CHCHD3: variants seen among roughly 807,000 people sequenced by gnomAD.
CHCHD3 encodes MICOS complex subunit MIC19.
CHCHD3 carries 20 observed loss-of-function variants against 38.2 expected under a neutral mutation model. That is an observed-to-expected ratio of 0.52 (90% CI 0.37 to 0.76). The LOEUF (loss-of-function observed/expected upper bound fraction) is 0.76, where lower values mean the gene tolerates loss of function less well. CHCHD3 is among the 30% of genes least tolerant of loss of function. The probability of loss-of-function intolerance (pLI) is 0.00; values close to 1 mark genes in which losing one functional copy is unlikely to be tolerated. For synonymous variants in CHCHD3, 82 were observed against 100.0 expected (o/e 0.82, Z 1.07); for missense variants, 245 against 279.2 (o/e 0.88, Z 0.87).
At chr7:132,908,762 A>C (rs1289981532) in intron 4 of CHCHD3, among the ~76,000 whole-genome samples, 1 of 152,246 alleles carries the variant, frequency 6.6e-6, no homozygotes, top group Non-Finnish European at 1.5e-5. Flanking sequence ...GTCTGGGGAA[A>C]GCTGCTTCTA....
intron 2 of CHCHD3, among the ~76,000 whole-genome samples, chr7:133,057,698 C>T (rs112566000): frequency 6.6e-6 from 1 of 151,866 alleles, no homozygotes; most frequent in Non-Finnish European, 1.5e-5. Flanking sequence ...AAGATGAACA[C>T]GGGTTATGAA....
At chr7:132,888,715 T>C (rs1809281070) in intron 4 of CHCHD3, among the ~76,000 whole-genome samples, 2 of 152,022 alleles carry the variant, frequency 1.3e-5, no homozygotes, top group Admixed American at 6.6e-5. Flanking sequence ...ATAAAGATTT[T>C]GATCCAGCCA....
chr7:132,796,633 C>A (rs1341565726), intron 6 of CHCHD3, 56 bp from the exon 7 acceptor site: 7 of 1,538,276 alleles, frequency 4.6e-6, no homozygotes, highest in South Asian at 1.2e-5. Context: ...GAATAAAAAT[C>A]AAGGTTAAAG....
chr7:132,940,262 A>G (rs1195908002), intron 4 of CHCHD3, among the ~76,000 whole-genome samples: 2 of 152,148 alleles, frequency 1.3e-5, no homozygotes, highest in Non-Finnish European at 2.9e-5. Flanking sequence ...ACCATTTAAC[A>G]CCTCTCAGCA....
chr7:132,976,902 T>C (rs1214247808), intron 3 of CHCHD3, among the ~76,000 whole-genome samples: 2 of 152,040 alleles, frequency 1.3e-5, no homozygotes, highest in African/African-American at 4.8e-5. Flanking sequence ...CCTTTTCCCC[T>C]AAAAATCAAA....
intron 5 of CHCHD3, 56 bp from the exon 6 acceptor site, chr7:132,838,525 G>T: frequency 1.5e-6 from 2 of 1,322,394 alleles, no homozygotes; most frequent in Non-Finnish European, 2.2e-6. Flanking sequence ...AAAATGTGTG[G>T]AAGATTTACA....
chr7:132,924,313 A>G (rs1025407703), intron 4 of CHCHD3, among the ~76,000 whole-genome samples: 15 of 152,354 alleles, frequency 9.8e-5, no homozygotes, highest in African/African-American at 3.4e-4. Flanking sequence ...TAGTCTCACA[A>G]TAATAGTATG....
intron 3 of CHCHD3, among the ~76,000 whole-genome samples, chr7:133,002,120 A>T (rs1483114694): frequency 6.6e-6 from 1 of 152,076 alleles, no homozygotes; most frequent in African/African-American, 2.4e-5. Flanking sequence ...AAGTGGTCTG[A>T]CTCCTAGGAC....
At chr7:132,887,564 G>A (rs12672779) in intron 4 of CHCHD3, among the ~76,000 whole-genome samples, 74,219 of 150,862 alleles carry the variant, frequency 0.49, 18,674 homozygotes, top group African/African-American at 0.57. Context: ...GAGAGTTAAT[G>A]TTATTAACAT....
At chr7:132,897,870 C>T (rs559535828) in intron 4 of CHCHD3, among the ~76,000 whole-genome samples, 1 of 152,248 alleles carries the variant, frequency 6.6e-6, no homozygotes, top group African/African-American at 2.4e-5. Flanking sequence ...AGAATGAAGC[C>T]GCGGACCCTC....
At chr7:132,922,541 G>T (rs1310716913) in intron 4 of CHCHD3, among the ~76,000 whole-genome samples, 2 of 150,364 alleles carry the variant, frequency 1.3e-5, no homozygotes, top group Non-Finnish European at 3.0e-5. Context: ...TTATATCCCT[G>T]CTTCTCTTCC....
intron 3 of CHCHD3, among the ~76,000 whole-genome samples, chr7:132,985,747 C>G (rs1249114725): frequency 1.4e-4 from 13 of 91,904 alleles, no homozygotes; most frequent in African/African-American, 4.9e-4. Context: ...GTCAGCCCCC[C>G]ACCCGGCCAG....
At chr7:132,957,173 G>T (rs2117298911) in intron 4 of CHCHD3, among the ~76,000 whole-genome samples, 1 of 152,324 alleles carries the variant, frequency 6.6e-6, no homozygotes, top group South Asian at 2.1e-4. Context: ...GACTCTTTCG[G>T]TTTATTCCCA....
chr7:132,878,491 T>G (rs1426433783), intron 5 of CHCHD3, among the ~76,000 whole-genome samples: 1 of 152,206 alleles, frequency 6.6e-6, no homozygotes, highest in Admixed American at 6.5e-5. Flanking sequence ...ACCTTAGAAT[T>G]TAATTAGCAA....
At chr7:133,051,310 G>A (rs562146446) in intron 2 of CHCHD3, among the ~76,000 whole-genome samples, 2 of 152,144 alleles carry the variant, frequency 1.3e-5, no homozygotes, top group Non-Finnish European at 2.9e-5. Context: ...CTCATAACAG[G>A]GCAAGCAAAC....
intron 4 of CHCHD3, among the ~76,000 whole-genome samples, chr7:132,888,463 A>C (rs1412710941): frequency 6.6e-6 from 1 of 151,880 alleles, no homozygotes; most frequent in Non-Finnish European, 1.5e-5. Context: ...AATGAATATA[A>C]ATTAAGTATA....
At chr7:133,013,171 G>A (rs1812929804) in intron 3 of CHCHD3, among the ~76,000 whole-genome samples, 1 of 113,056 alleles carries the variant, frequency 8.8e-6, no homozygotes, top group South Asian at 2.9e-4. Context: ...GGGCAACAGA[G>A]CAAGACTCCG....
chr7:132,990,161 G>GA (rs1224365558), intron 3 of CHCHD3, among the ~76,000 whole-genome samples: 2 of 152,132 alleles, frequency 1.3e-5, no homozygotes, highest in Non-Finnish European at 2.9e-5. Flanking sequence ...AGACAAGAGC[G>GA]AAACTCCATC....
chr7:133,034,930 C>A (rs1273449038), intron 2 of CHCHD3: 6 of 1,605,298 alleles, frequency 3.7e-6, no homozygotes, highest in Non-Finnish European at 5.1e-6. Flanking sequence ...TGAGTGAGTT[C>A]TTCAGGGAAG....
Sources: allele counts gnomAD v4.1 joint callset (sites outside exome capture counted in the v4.1 genomes callset), GRCh38; gene constraint gnomAD v4.1.1; transcripts MANE v1.5; gene names NCBI Gene and HGNC (gene_info 2026-07-23, HGNC 2026-07-21).